HMX1: variants seen among roughly 807,000 people sequenced by gnomAD.
HMX1 encodes homeobox protein HMX1.
In HMX1, 8 loss-of-function variants were observed where a neutral mutation model predicts 8.9. The observed-to-expected ratio is 0.90, with a 90% CI of 0.53 to 1.63. The LOEUF (loss-of-function observed/expected upper bound fraction) is 1.63. Among genes scored for constraint, HMX1 ranks in the 40% most tolerant of loss-of-function variants. The pLI is 0.00. For missense variants in HMX1, 621 were observed against 558.5 expected (o/e 1.11, Z -1.13); for synonymous variants, 311 against 283.4 (o/e 1.10, Z -0.98).
downstream of HMX1, among the ~76,000 whole-genome samples, chr4:8,866,105 G>C (rs375647414): frequency 7.4e-4 from 113 of 152,284 alleles, 3 homozygotes; most frequent in South Asian, 0.023. Flanking sequence ...TGGCCTCACA[G>C]TAAGGAACCA....
Position 8,867,642 on chromosome 4 carries a change from G to A in HMX1, c.*51C>T. ...AGCCCTGCGCCTGCCGCTGAATCGC[G>A]CGTCCACACAGGTCCACAGGGTCGT... is the stretch of plus-strand genomic sequence containing the variant. On this transcript the variant is annotated 3_prime_UTR_variant, in exon 2 of 2. Coordinates refer to ENST00000400677, the MANE Select transcript of HMX1 (RefSeq NM_018942.3). The A allele has an allele frequency of 3.3e-6, 4 of 1,214,570 alleles. No individual in the cohort carries two copies. The highest frequency in any genetic ancestry group is 3.1e-6 in the Non-Finnish European group (3 of 976,134). The allele number at this position is 1,214,570 out of a possible 1,614,324, so 75.2% of individuals were successfully genotyped here. A position where few individuals can be genotyped will look rare whatever the true frequency, so the allele number is the denominator to read the frequency against.
At position 8,868,007 on chromosome 4, in the gene HMX1, T is replaced by C. The variant is rs749582645; in HGVS notation, c.733A>G (p.Thr245Ala). 12 of 1,544,230 alleles carry C rather than the reference T, an allele frequency of 7.8e-6. No individual in the cohort carries two copies. The South Asian group carries it at 1.3e-4, about 17-fold the overall frequency. Residue 245 changes from threonine to alanine, a missense_variant, in exon 2 of 2, where the codon ACG becomes GCG. Physicochemically the swap from Thr to Ala is moderately conservative, Grantham distance 58. Transcript: ENST00000400677. This position sits in a 1 kb window ranked among gnomAD's most constrained non-coding sequence, Gnocchi z 4.6. Reference protein sequence around the residue: ...GLAASLQLTETQVKIWFQNRR... With the variant: ...GLAASLQLTEAQVKIWFQNRR... ...TTCTGGAACCAGATCTTAACCTGCG[T>C]CTCGGTGAGCTGCAGGGAGGCGGCC...
At chr4:8,864,551 G>T (rs1014843797), downstream of HMX1, among the ~76,000 whole-genome samples, 2 of 152,230 alleles carry the variant, frequency 1.3e-5, no homozygotes, top group African/African-American at 4.8e-5. Flanking sequence ...CCGGAGCTCA[G>T]GACTCAGAGG....
At chr4:8,856,264 G>A (rs1560171116) in intron 1 of HMX1, among the ~76,000 whole-genome samples, 1 of 152,316 alleles carries the variant, frequency 6.6e-6, no homozygotes, top group South Asian at 2.1e-4. Flanking sequence ...CCGAAAAAAT[G>A]AATTCAAGCA....
At position 8,853,895 on chromosome 4, in the gene HMX1, C is replaced by T. The variant is rs1721530390; in HGVS notation, c.395-7571G>A. The stretch of plus-strand genomic sequence containing the variant: ...GGGGAAGAATGGATCCCCCTTTCCT[C>T]ACTCTGAGATCAGATAAAAATGTAT... On this transcript the variant is annotated intron_variant, in intron 1 of 1. Transcript: ENST00000506970. The surrounding 1 kb of genome is among the most constrained non-coding windows in gnomAD (Gnocchi z 4.7). Among the ~76,000 whole-genome samples, 1 of 152,302 alleles carries T rather than the reference C, an allele frequency of 6.6e-6. No individual in the cohort carries two copies. Among genetic ancestry groups the T allele is most frequent in the African/African-American group, 2.4e-5 (1 of 41,558 alleles).
intron 1 of HMX1, among the ~76,000 whole-genome samples, chr4:8,852,143 C>A (rs922664100): frequency 6.6e-6 from 1 of 152,264 alleles, no homozygotes; most frequent in African/African-American, 2.4e-5. Flanking sequence ...ATTGACCCTG[C>A]ATTCAATGGG....
chr4:8,868,165 G>A lies in HMX1; in HGVS notation c.575C>T (p.Thr192Ile). The change falls in exon 2 of 2, where the codon ACA becomes ATA. Residue 192 changes from threonine to isoleucine, a missense_variant. Coordinates refer to ENST00000400677, the MANE Select transcript of HMX1 (RefSeq NM_018942.3). The surrounding 1 kb of genome is among the most constrained non-coding windows in gnomAD (Gnocchi z 4.6). ...GCCGCCCACGCCAACGCCGCCGCGTGTCTCCCCAGCCGCCGCAGGGACCTC... is the reference window on the plus strand; with the variant it reads ...GCCGCCCACGCCAACGCCGCCGCGTATCTCCCCAGCCGCCGCAGGGACCTC... Reference protein sequence around the residue: ...LAEVPAAAGETRGGVGVGGGR... With the variant: ...LAEVPAAAGEIRGGVGVGGGR... 1 of 1,501,206 alleles carries A rather than the reference G, an allele frequency of 6.7e-7. No homozygotes were observed. The highest frequency in any genetic ancestry group is 2.7e-5 in the East Asian group (1 of 37,066). 93.0% of individuals were successfully genotyped at this position (1,501,206 alleles called of 1,614,324 possible).
rs1560186830 is a variant in HMX1, at chr4:8,870,644, C to T, written c.394+577G>A. Among the ~76,000 whole-genome samples, 1 of 152,040 alleles carries T rather than the reference C, an allele frequency of 6.6e-6. No individual in the cohort carries two copies. Among genetic ancestry groups the T allele is most frequent in the Non-Finnish European group, 1.5e-5 (1 of 67,988 alleles). The stretch of plus-strand genomic sequence containing the variant: ...CACAGCTGCCATGTTAGATGGCTCC[C>T]CTCCCCGGCCCCACCCCCACAACAC... On this transcript the variant is annotated intron_variant, in intron 1 of 1. Coordinates refer to ENST00000400677, the MANE Select transcript of HMX1 (RefSeq NM_018942.3). This position sits in a 1 kb window ranked among gnomAD's most constrained non-coding sequence, Gnocchi z 4.4.
chr4:8,851,894 G>C (rs1721459071), intron 1 of HMX1, among the ~76,000 whole-genome samples: 1 of 152,270 alleles, frequency 6.6e-6, no homozygotes, highest in African/African-American at 2.4e-5. Context: ...CATGCCCCGA[G>C]GCCAGGCAGC....
chr4:8,856,946 C>T (rs978649503), intron 1 of HMX1, among the ~76,000 whole-genome samples: 3 of 152,000 alleles, frequency 2.0e-5, no homozygotes, highest in African/African-American at 7.2e-5. Context: ...ATTAGCCGGG[C>T]GTGGTGGCCG....
In HMX1 at chr4:8,868,328, G is replaced by A. The variant is rs1348264472; in HGVS notation, c.412C>T (p.Pro138Ser). The A allele has an allele frequency of 2.8e-6, 4 of 1,410,346 alleles. No individual in the cohort carries two copies. Among genetic ancestry groups the A allele is most frequent in the Non-Finnish European group, 3.7e-6 (4 of 1,090,076 alleles). 87.4% of individuals were successfully genotyped at this position (1,410,346 alleles called of 1,614,324 possible). The part of the protein sequence containing the change: ...LSPDTSDRDS[P>S]ETGEEMGRAE... ...CGGCCCATCTCCTCGCCCGTCTCCG[G>A]TGAGTCCCGGTCGCTGGCTGCAGGG... Residue 138 changes from proline to serine, a missense_variant, in exon 2 of 2, where the codon CCG becomes TCG. Pro to Ser is a moderately conservative substitution (Grantham distance 74). Transcript: ENST00000400677. This position sits in a 1 kb window ranked among gnomAD's most constrained non-coding sequence, Gnocchi z 4.6.
At position 8,871,647 on chromosome 4, in the gene HMX1, T is replaced by C; in HGVS notation, c.-33A>G. Reference sequence around the variant, plus strand: ...GCGGGCTTCTCGGGCTCGGCCGGGCTCCTCGGTCCCCGCTGGGGATGGTGG... The same window carrying C: ...GCGGGCTTCTCGGGCTCGGCCGGGCCCCTCGGTCCCCGCTGGGGATGGTGG... On this transcript the variant is annotated 5_prime_UTR_variant, in exon 1 of 2. Transcript: ENST00000400677. The surrounding 1 kb of genome is among the most constrained non-coding windows in gnomAD (Gnocchi z 4.8). The C allele has an allele frequency of 8.2e-7, 1 of 1,219,694 alleles. No homozygotes were observed. The highest frequency in any genetic ancestry group is 1.0e-6 in the Non-Finnish European group (1 of 980,972). The allele number at this position is 1,219,694 out of a possible 1,614,324, so 75.6% of individuals were successfully genotyped here.
chr4:8,867,045 C>T (rs565064651), downstream of HMX1: 8 of 982,940 alleles, frequency 8.1e-6, no homozygotes, highest in Admixed American at 6.1e-5. Context: ...AGCAGTGAAA[C>T]TGTCCAGAAA....
rs1722197449 is a variant in HMX1 at position 8,871,096 on chromosome 4, G to T, written c.394+125C>A. The T allele has an allele frequency of 5.6e-6, 6 of 1,077,688 alleles. No homozygotes were observed. The East Asian group carries it at 2.5e-4, about 45-fold the overall frequency. 66.8% of individuals were successfully genotyped at this position (1,077,688 alleles called of 1,614,324 possible). A position where few individuals can be genotyped will look rare whatever the true frequency, so the allele number is the denominator to read the frequency against. On this transcript the variant is annotated intron_variant, in intron 1 of 1. Transcript: ENST00000400677. This position sits in a 1 kb window ranked among gnomAD's most constrained non-coding sequence, Gnocchi z 4.8. Reference sequence around the variant, plus strand: ...CCTGGGGGCCCCACAAGGCCCAGACGCCGTTCCACAGAAGGGAGAGGATGG... The same window carrying T: ...CCTGGGGGCCCCACAAGGCCCAGACTCCGTTCCACAGAAGGGAGAGGATGG...
Position 8,867,473 on chromosome 4 carries a change from G to C in HMX1, c.*220C>G, listed in dbSNP as rs1348837448. 8.7e-7 allele frequency: 1 copy of C among 1,153,816 alleles called. No homozygotes were observed. Among genetic ancestry groups the C allele is most frequent in the Non-Finnish European group, 1.1e-6 (1 of 938,658 alleles). The allele number at this position is 1,153,816 out of a possible 1,614,324, so 71.5% of individuals were successfully genotyped here. A position where few individuals can be genotyped will look rare whatever the true frequency, so the allele number is the denominator to read the frequency against. ...CTGCATGGCCCCCTGTTCGAGTGGG[G>C]ATCCAGCCTGGCAAATGGGTGGGGC... is the stretch of plus-strand genomic sequence containing the variant. On this transcript the variant is annotated 3_prime_UTR_variant, in exon 2 of 2. Transcript: ENST00000400677.
downstream of HMX1, among the ~76,000 whole-genome samples, chr4:8,864,154 T>A (rs1322927110): frequency 6.6e-6 from 1 of 152,194 alleles, no homozygotes; most frequent in Non-Finnish European, 1.5e-5. Flanking sequence ...GGATGTCCTG[T>A]TGGCCTCACT....
At chr4:8,858,491 C>T (rs1721687431) in intron 1 of HMX1, among the ~76,000 whole-genome samples, 1 of 152,208 alleles carries the variant, frequency 6.6e-6, no homozygotes, top group African/African-American at 2.4e-5. Flanking sequence ...GCCCCAAGAC[C>T]CAGGCGCCTA....
chr4:8,852,561 G>A (rs1721486508), intron 1 of HMX1, among the ~76,000 whole-genome samples: 1 of 152,228 alleles, frequency 6.6e-6, no homozygotes, highest in Non-Finnish European at 1.5e-5. Flanking sequence ...GGGCCTGGGT[G>A]TGGGGAACTG....
At chr4:8,857,583 C>T (rs939096556) in intron 1 of HMX1, among the ~76,000 whole-genome samples, 4 of 152,152 alleles carry the variant, frequency 2.6e-5, no homozygotes, top group African/African-American at 7.2e-5. Flanking sequence ...CACCCCCCCG[C>T]CCCCCTGCCT....
Sources: gnomAD v4.1 joint callset for allele counts (sites outside exome capture counted in the v4.1 genomes callset) on GRCh38, gnomAD v4.1.1 for gene constraint, Gnocchi (gnomAD v3.1) non-coding constraint, MANE v1.5 for transcripts, NCBI Gene and HGNC (gene_info 2026-07-23, HGNC 2026-07-21) for gene names.